SHISAL1: variants seen among roughly 807,000 people sequenced by gnomAD.
SHISAL1 encodes the protein shisa like 1.
A neutral mutation model predicts 22.6 loss-of-function variants in SHISAL1; 9 were observed. That is an observed-to-expected ratio of 0.40 (90% confidence interval 0.24 to 0.70). SHISAL1 has a LOEUF of 0.70. SHISAL1 is among the 30% of genes least tolerant of loss of function. The pLI is 0.39. For synonymous variants in SHISAL1, 119 were observed against 115.4 expected (o/e 1.03, Z -0.20); for missense variants, 246 against 270.6 (o/e 0.91, Z 0.64).
intron 4 of SHISAL1, among the ~76,000 whole-genome samples, chr22:44,277,449 C>CAAACAAAACAAAACAAAACA (rs59568852): frequency 0.022 from 3,245 of 150,578 alleles, 57 homozygotes; most frequent in South Asian, 0.046. Flanking sequence ...ACTCTGCCTC[C>CAAACAAAACAAAACAAAACA]AAACAAAACA....
At chr22:44,315,176 C>A (rs972381290), upstream of SHISAL1, among the ~76,000 whole-genome samples, 1 of 152,040 alleles carries the variant, frequency 6.6e-6, no homozygotes, top group Non-Finnish European at 1.5e-5. Context: ...AGGGCGAATA[C>A]CAGGAAGCAG....
intron 4 of SHISAL1, among the ~76,000 whole-genome samples, chr22:44,260,370 G>A (rs1477086576): frequency 6.6e-6 from 1 of 152,230 alleles, no homozygotes; most frequent in Non-Finnish European, 1.5e-5. Context: ...CACAGGAAGG[G>A]AAGAATGTGA....
chr22:44,268,047 CATT>C (rs1356015796), intron 4 of SHISAL1, among the ~76,000 whole-genome samples: 2 of 152,326 alleles, frequency 1.3e-5, no homozygotes, highest in East Asian at 3.9e-4. Flanking sequence ...TGGGGGCTTC[CATT>C]ATTCACAACC....
At chr22:44,306,875 C>G (rs2055482469) in intron 1 of SHISAL1, among the ~76,000 whole-genome samples, 1 of 147,664 alleles carries the variant, frequency 6.8e-6, no homozygotes, top group Non-Finnish European at 1.5e-5. Context: ...CAGAGGGGAC[C>G]TGGGCTCGGG....
intron 4 of SHISAL1, among the ~76,000 whole-genome samples, chr22:44,277,206 C>T (rs111309066): frequency 0.038 from 5,843 of 152,258 alleles, 412 homozygotes; most frequent in African/African-American, 0.14. Context: ...CTCACGGACG[C>T]GATGCCGGGA....
chr22:44,284,933 T>TCCTTCCTC (rs1335464275), intron 4 of SHISAL1, among the ~76,000 whole-genome samples: 1 of 151,890 alleles, frequency 6.6e-6, no homozygotes, highest in African/African-American at 2.4e-5. Context: ...CTTCCTTCCT[T>TCCTTCCTC]CCTTCCTTCA....
chr22:44,257,829 C>G (rs1282395346), intron 4 of SHISAL1, among the ~76,000 whole-genome samples: 1 of 152,202 alleles, frequency 6.6e-6, no homozygotes, highest in Admixed American at 6.5e-5. Context: ...ACTGCATTAG[C>G]GTGAGCTGCT....
chr22:44,284,922 C>CCTTCCTTCCTTCCTTCCTTCCTTA (rs1465968613), intron 4 of SHISAL1, among the ~76,000 whole-genome samples: 1 of 151,966 alleles, frequency 6.6e-6, no homozygotes, highest in African/African-American at 2.4e-5. Flanking sequence ...TTCCTTCCTT[C>CCTTCCTTCCTTCCTTCCTTCCTTA]CTTCCTTCCT....
At chr22:44,265,000 AAC>A (rs796878202) in intron 4 of SHISAL1, among the ~76,000 whole-genome samples, 76 of 143,724 alleles carry the variant, frequency 5.3e-4, no homozygotes, top group African/African-American at 2.2e-3. Flanking sequence ...ACACACACAC[AAC>A]AGAGACCCCA....
chr22:44,317,107 A>T (rs1601811768), upstream of SHISAL1, among the ~76,000 whole-genome samples: 1 of 152,112 alleles, frequency 6.6e-6, no homozygotes, highest in South Asian at 2.1e-4. Context: ...CGTCGGCTGG[A>T]GGGCCCCTGT....
At chr22:44,327,428 G>A in the SHISAL1 span, among the ~76,000 whole-genome samples, 2 of 152,180 alleles carry the variant, frequency 1.3e-5, no homozygotes, top group African/African-American at 4.8e-5. Flanking sequence ...TTCTGACCTG[G>A]CCACAGCTAA....
intron 4 of SHISAL1, among the ~76,000 whole-genome samples, chr22:44,249,961 A>AATT (rs2055035617): frequency 6.6e-6 from 1 of 152,240 alleles, no homozygotes; most frequent in Non-Finnish European, 1.5e-5. Context: ...ATTACAGTTA[A>AATT]TTGTGGATAA....
intron 4 of SHISAL1, among the ~76,000 whole-genome samples, chr22:44,279,271 C>A (rs1463980692): frequency 6.6e-6 from 1 of 152,212 alleles, no homozygotes; most frequent in East Asian, 1.9e-4. Context: ...AGCCCAGTTT[C>A]CTGGTCTAGC....
chr22:44,273,523 TAAC>T (rs1224738823), intron 4 of SHISAL1, among the ~76,000 whole-genome samples: 1 of 152,246 alleles, frequency 6.6e-6, no homozygotes, highest in African/African-American at 2.4e-5. Context: ...TGGCTGTGTT[TAAC>T]AACAGGCTCC....
intron 4 of SHISAL1, among the ~76,000 whole-genome samples, chr22:44,251,656 AAG>A (rs1463949882): frequency 6.6e-6 from 1 of 152,222 alleles, no homozygotes; most frequent in East Asian, 1.9e-4. Context: ...GTGGCAGGCA[AAG>A]AGAGCGAGCA....
At chr22:44,277,769 G>A (rs1377028841) in intron 4 of SHISAL1, among the ~76,000 whole-genome samples, 3 of 152,204 alleles carry the variant, frequency 2.0e-5, no homozygotes, top group Non-Finnish European at 4.4e-5. Flanking sequence ...ATGGGCCACC[G>A]CCTGCTCCTT....
At chr22:44,275,735 T>C (rs908562185) in intron 4 of SHISAL1, among the ~76,000 whole-genome samples, 2 of 152,216 alleles carry the variant, frequency 1.3e-5, no homozygotes, top group Non-Finnish European at 2.9e-5. Context: ...TCTCCGAGCC[T>C]TGGTGTCTCC....
At chr22:44,314,160 G>C (rs2055542353), upstream of SHISAL1, among the ~76,000 whole-genome samples, 1 of 150,544 alleles carries the variant, frequency 6.6e-6, no homozygotes, top group East Asian at 2.0e-4. Flanking sequence ...CAGACCAGGG[G>C]GTCTGGTGTG....
chr22:44,307,989 G>A (rs1232077192), intron 1 of SHISAL1, among the ~76,000 whole-genome samples: 1 of 152,102 alleles, frequency 6.6e-6, no homozygotes, highest in African/African-American at 2.4e-5. Flanking sequence ...AGCCCACCAC[G>A]CCCCACTTCT....
Sources: gnomAD v4.1 joint callset for allele counts (sites outside exome capture counted in the v4.1 genomes callset) on GRCh38, gnomAD v4.1.1 for gene constraint, MANE v1.5 for transcripts, NCBI Gene and HGNC (gene_info 2026-07-23, HGNC 2026-07-21) for gene names.